Variants in CDYL2 observed in about 807,000 individuals in gnomAD.
CDYL2 encodes chromodomain Y-like protein 2.
A neutral mutation model predicts 49.4 loss-of-function variants in CDYL2; 23 were observed. The ratio of observed to expected loss-of-function variants is 0.47; its 90% CI spans 0.34 to 0.66. The LOEUF (loss-of-function observed/expected upper bound fraction) is 0.66. Among genes scored for constraint, CDYL2 ranks in the 30% least tolerant of loss-of-function variants. The pLI is 0.01. For synonymous variants in CDYL2, 360 were observed against 268.8 expected (o/e 1.34, Z -3.32); for missense variants, 678 against 656.4 (o/e 1.03, Z -0.36).
chr16:80,786,511 C>T (rs919680093), intron 1 of CDYL2, among the ~76,000 whole-genome samples: 7 of 152,134 alleles, frequency 4.6e-5, no homozygotes, highest in African/African-American at 1.4e-4. Context: ...TTTACACTGT[C>T]GATGGGAGTG....
chr16:80,745,101 C>G (rs568854338), intron 1 of CDYL2, among the ~76,000 whole-genome samples: 123 of 152,272 alleles, frequency 8.1e-4, no homozygotes, highest in African/African-American at 2.8e-3. Flanking sequence ...TCTGCAAAAC[C>G]ACTCCCCCAC....
In CDYL2 at chr16:80,706,520, A is replaced by G. The variant is rs144282843; in HGVS notation, c.25-21391T>C. ...CATTGTTGCACGTTGCAGGGATCAAATAAGTTAATGTTTGGAAGGAATTCA... is the reference window on the plus strand; with the variant it reads ...CATTGTTGCACGTTGCAGGGATCAAGTAAGTTAATGTTTGGAAGGAATTCA... On this transcript the variant is annotated intron_variant, in intron 1 of 6. Transcript: ENST00000570137. Among the ~76,000 whole-genome samples, 28 of 152,352 alleles carry G rather than the reference A, an allele frequency of 1.8e-4. No homozygotes were observed. The East Asian group carries it at 5.0e-3, about 27-fold the overall frequency.
chr16:80,632,913 A>G (rs1300455109), intron 3 of CDYL2, 106 bp downstream of exon 3: 2 of 1,115,204 alleles, frequency 1.8e-6, no homozygotes, highest in Non-Finnish European at 2.6e-6. Context: ...CACGCTAGTT[A>G]CCATCCTCAG....
At chr16:80,763,244 C>G (rs1453751235) in intron 1 of CDYL2, among the ~76,000 whole-genome samples, 8 of 7,664 alleles carry the variant, frequency 1.0e-3, no homozygotes, top group Non-Finnish European at 1.8e-3. Context: ...GTAATGAGAA[C>G]CACAAGTAAC....
intron 4 of CDYL2, among the ~76,000 whole-genome samples, chr16:80,616,765 T>G (rs13330873): frequency 0.074 from 11,330 of 152,246 alleles, 631 homozygotes; most frequent in African/African-American, 0.16. Context: ...ACAACCATAA[T>G]AAGAACTCCA....
intron 1 of CDYL2, among the ~76,000 whole-genome samples, chr16:80,725,417 C>T (rs141417285): frequency 4.8e-4 from 73 of 152,328 alleles, no homozygotes; most frequent in African/African-American, 1.7e-3. Flanking sequence ...TCCACTTCTA[C>T]CCCTAGACTG....
intron 1 of CDYL2, among the ~76,000 whole-genome samples, chr16:80,692,328 T>A (rs1910449458): frequency 6.6e-6 from 1 of 152,216 alleles, no homozygotes. Context: ...CAGAACATTA[T>A]GTTCCAGAAC....
At chr16:80,785,792 C>A (rs1907416303) in intron 1 of CDYL2, among the ~76,000 whole-genome samples, 1 of 152,084 alleles carries the variant, frequency 6.6e-6, no homozygotes, top group Non-Finnish European at 1.5e-5. Flanking sequence ...AGAAAATAGG[C>A]CTCAGAAATA....
chr16:80,712,681 T>G (rs1413701727), intron 1 of CDYL2, among the ~76,000 whole-genome samples: 1 of 152,110 alleles, frequency 6.6e-6, no homozygotes, highest in South Asian at 2.1e-4. Flanking sequence ...AAGGTGCCTA[T>G]GGGTAACACA....
At chr16:80,732,383 T>C (rs1452658854) in intron 1 of CDYL2, among the ~76,000 whole-genome samples, 1 of 152,170 alleles carries the variant, frequency 6.6e-6, no homozygotes, top group Non-Finnish European at 1.5e-5. Flanking sequence ...GAGGCCCTTT[T>C]AGTCATCGTG....
In CDYL2 at chr16:80,604,518, C is replaced by T. The variant is rs761338715; in HGVS notation, c.1391G>A (p.Arg464Gln). The T allele has an allele frequency of 1.2e-5, 19 of 1,614,130 alleles. No individual in the cohort carries two copies. The highest frequency in any genetic ancestry group is 9.9e-5 in the South Asian group (9 of 91,078). Residue 464 changes from arginine (R) to glutamine (Q), a missense_variant, in exon 7 of 7, where the codon CGG becomes CAG. Physicochemically the swap from Arg to Gln is conservative, Grantham distance 43. Transcript: ENST00000570137. ...TTCCAGCACTGATTTCAGGAAGCTC[C>T]GCACGAGGCATTTGGACTCCTCTAA... ...VVLEESKCLV[R>Q]SFLKSVLEDV...
At chr16:80,771,664 A>T (rs1244702741) in intron 1 of CDYL2, among the ~76,000 whole-genome samples, 1 of 152,168 alleles carries the variant, frequency 6.6e-6, no homozygotes, top group Non-Finnish European at 1.5e-5. Context: ...CAGGGATTGC[A>T]GTGAGCCAAG....
At chr16:80,735,771 C>A (rs1293944902) in intron 1 of CDYL2, among the ~76,000 whole-genome samples, 1 of 152,198 alleles carries the variant, frequency 6.6e-6, no homozygotes, top group Non-Finnish European at 1.5e-5. Context: ...GCTTTCAGAC[C>A]ACCCCTTCCA....
At chr16:80,660,165 G>C (rs2142433365) in intron 2 of CDYL2, among the ~76,000 whole-genome samples, 1 of 152,026 alleles carries the variant, frequency 6.6e-6, no homozygotes, top group South Asian at 2.1e-4. Context: ...ATCTACCACA[G>C]ACTCTAAAAA....
At chr16:80,663,403 G>A (rs972650268) in intron 2 of CDYL2, among the ~76,000 whole-genome samples, 2 of 151,484 alleles carry the variant, frequency 1.3e-5, no homozygotes, top group African/African-American at 4.9e-5. Flanking sequence ...CAATAGCAGG[G>A]CTCAAATTCA....
In CDYL2 at chr16:80,699,986, G is replaced by A. The variant is rs1326568875; in HGVS notation, c.25-14857C>T. Among the ~76,000 whole-genome samples the A allele has an allele frequency of 5.3e-5, 8 of 151,952 alleles. No individual in the cohort carries two copies. In the East Asian group the frequency reaches 1.6e-3, roughly 29 times the overall value. On this transcript the variant is annotated intron_variant, in intron 1 of 6. Coordinates refer to ENST00000570137, the MANE Select transcript of CDYL2 (RefSeq NM_152342.4). Reference sequence around the variant, plus strand: ...TGATTCACACCACTCTCCTGCCTCAGCCTCCCGAGTAGCTGGGACTACAGG... The same window carrying A: ...TGATTCACACCACTCTCCTGCCTCAACCTCCCGAGTAGCTGGGACTACAGG...
intron 1 of CDYL2, among the ~76,000 whole-genome samples, chr16:80,749,207 T>A (rs1906044342): frequency 6.6e-6 from 1 of 152,224 alleles, no homozygotes; most frequent in Non-Finnish European, 1.5e-5. Flanking sequence ...TTTTAATTTA[T>A]GATTTAAAAA....
chr16:80,671,594 A>G (rs762275644), intron 2 of CDYL2, among the ~76,000 whole-genome samples: 4 of 152,298 alleles, frequency 2.6e-5, no homozygotes, highest in African/African-American at 2.4e-5. Context: ...ATTCTCCCCA[A>G]TCTCAAAAGA....
intron 1 of CDYL2, among the ~76,000 whole-genome samples, chr16:80,687,065 C>G (rs1026274733): frequency 1.3e-5 from 2 of 152,192 alleles, no homozygotes; most frequent in Admixed American, 1.3e-4. Context: ...CCAAGGATTT[C>G]TGGAAGAGCC....
Sources: allele counts gnomAD v4.1 joint callset (sites outside exome capture counted in the v4.1 genomes callset), GRCh38; gene constraint gnomAD v4.1.1; transcripts MANE v1.5; gene names NCBI Gene and HGNC (gene_info 2026-07-23, HGNC 2026-07-21).